ARHGAP6: variants seen among roughly 807,000 people sequenced by gnomAD.
ARHGAP6 encodes Rho GTPase activating protein 6, also known as rho GTPase-activating protein 6.
In ARHGAP6, 16 loss-of-function variants were observed where a neutral mutation model predicts 55.7. The ratio of observed to expected loss-of-function variants is 0.29; its 90% CI spans 0.19 to 0.44. The LOEUF (loss-of-function observed/expected upper bound fraction) is 0.44, where lower values mean the gene tolerates loss of function less well. Among genes scored for constraint, ARHGAP6 ranks in the 20% least tolerant of loss-of-function variants. The probability of loss-of-function intolerance (pLI) is 1.00; values close to 1 mark genes in which losing one functional copy is unlikely to be tolerated. For missense variants in ARHGAP6, 698 were observed against 808.9 expected (o/e 0.86, Z 1.66); for synonymous variants, 382 against 360.9 (o/e 1.06, Z -0.66).
chrX:11,654,338 A>C (rs1401920191), intron 1 of ARHGAP6, among the ~76,000 whole-genome samples: 3 of 111,747 alleles, frequency 2.7e-5, no homozygotes, highest in Non-Finnish European at 3.8e-5. Context: ...ACCTATTTCC[A>C]TGAGCTGTCC....
chrX:11,332,194 C>T (rs1856453421), intron 1 of ARHGAP6, among the ~76,000 whole-genome samples: 1 of 111,924 alleles, frequency 8.9e-6, no homozygotes, highest in South Asian at 3.7e-4. Context: ...TCAAGCTACT[C>T]TTAGATCCAT....
At chrX:11,368,998 G>A (rs1253957744) in intron 1 of ARHGAP6, among the ~76,000 whole-genome samples, 2 of 111,455 alleles carry the variant, frequency 1.8e-5, no homozygotes, top group African/African-American at 6.5e-5. Flanking sequence ...CATGCCTAAT[G>A]TGCCAGGGTA....
intron 8 of ARHGAP6, among the ~76,000 whole-genome samples, chrX:11,176,932 G>A (rs745901808): frequency 8.9e-6 from 1 of 112,175 alleles, no homozygotes; most frequent in Non-Finnish European, 1.9e-5. Flanking sequence ...GAGAAGAAAT[G>A]CAGAATTGCC....
intron 1 of ARHGAP6, among the ~76,000 whole-genome samples, chrX:11,525,752 T>C (rs2050982886): frequency 8.9e-6 from 1 of 111,963 alleles, no homozygotes; most frequent in Non-Finnish European, 1.9e-5. Flanking sequence ...ATGTACTGTG[T>C]ACAAAAACCT....
intron 1 of ARHGAP6, among the ~76,000 whole-genome samples, chrX:11,643,152 G>C (rs1293314297): frequency 9.0e-6 from 1 of 111,623 alleles, no homozygotes; most frequent in Non-Finnish European, 1.9e-5. Context: ...CATGATTCCA[G>C]TCTTCCAAAT....
intron 1 of ARHGAP6, among the ~76,000 whole-genome samples, chrX:11,527,770 A>G (rs1467802078): frequency 8.9e-6 from 1 of 112,383 alleles, no homozygotes; most frequent in Non-Finnish European, 1.9e-5. Flanking sequence ...ATAAATGAAT[A>G]TTTTTAGCAT....
At chrX:11,226,426 C>T (rs951530437) in intron 2 of ARHGAP6, among the ~76,000 whole-genome samples, 2 of 110,775 alleles carry the variant, frequency 1.8e-5, no homozygotes, top group African/African-American at 6.6e-5. Flanking sequence ...AGTGGACAGA[C>T]CTTTTGGTTA....
In ARHGAP6 at chrX:11,329,588, AATG is replaced by A. The variant is rs751868007; in HGVS notation, c.589-74884_589-74882del. ...CTCTGTTAAAGTACAATCACGTGTC[AATG>A]ATGAGGATATATCCTGAGAAAACTG... On this transcript the variant is annotated intron_variant, in intron 1 of 12. Coordinates refer to ENST00000337414, the MANE Select transcript of ARHGAP6 (RefSeq NM_013427.3). 5.2e-3 allele frequency among the ~76,000 whole-genome samples: 587 copies of A among 112,573 alleles called. 2 individuals carry two copies. The highest frequency in any genetic ancestry group is 7.9e-3 in the Non-Finnish European group (420 of 53,268).
intron 1 of ARHGAP6, among the ~76,000 whole-genome samples, chrX:11,648,981 A>G (rs1483698441): frequency 8.9e-6 from 1 of 112,354 alleles, no homozygotes; most frequent in Non-Finnish European, 1.9e-5. Flanking sequence ...GCAATCTTAA[A>G]AAATGGAAGA....
chrX:11,145,003 C>A (rs1047828195), intron 10 of ARHGAP6: 2 of 112,226 alleles, frequency 1.8e-5, no homozygotes, highest in Non-Finnish European at 3.8e-5. Flanking sequence ...ACAGAAATAA[C>A]AGTGAAAATG....
At chrX:11,493,429 G>A (rs1051937201) in intron 1 of ARHGAP6, among the ~76,000 whole-genome samples, 6 of 112,018 alleles carry the variant, frequency 5.4e-5, no homozygotes, top group South Asian at 3.7e-4. Context: ...CTTTAAATGC[G>A]TGGAGAGTGA....
intron 1 of ARHGAP6, among the ~76,000 whole-genome samples, chrX:11,615,735 A>T (rs1166852571): frequency 8.9e-6 from 1 of 112,582 alleles, no homozygotes; most frequent in Non-Finnish European, 1.9e-5. Flanking sequence ...CAAGTGCTGA[A>T]CATAAACAAA....
rs540834197 is a variant in ARHGAP6 at position 11,614,816 on chromosome X, T to A, written c.588+49425A>T. Among the ~76,000 whole-genome samples the A allele has an allele frequency of 1.4e-4, 16 of 111,758 alleles. No individual in the cohort carries two copies. The East Asian group carries it at 4.2e-3, about 29-fold the overall frequency. ...GAAGAAAACGTATTATTTTTATGTA[T>A]AAAGCACAGAAATACACAACACAAA... On this transcript the variant is annotated intron_variant, in intron 1 of 12. Coordinates refer to ENST00000337414, the MANE Select transcript of ARHGAP6 (RefSeq NM_013427.3).
chrX:11,361,543 TA>T (rs2049011233), intron 1 of ARHGAP6, among the ~76,000 whole-genome samples: 1 of 110,093 alleles, frequency 9.1e-6, no homozygotes, highest in African/African-American at 3.3e-5. Flanking sequence ...CCTAAAACCA[TA>T]AAAACCCTAG....
At chrX:11,591,190 CA>C (rs1051027805) in intron 1 of ARHGAP6, among the ~76,000 whole-genome samples, 3 of 103,220 alleles carry the variant, frequency 2.9e-5, no homozygotes, top group Non-Finnish European at 4.0e-5. Context: ...AGACTCGTCT[CA>C]AAAAAAAATA....
At chrX:11,511,818 G>A (rs1337725304) in intron 1 of ARHGAP6, among the ~76,000 whole-genome samples, 2 of 110,560 alleles carry the variant, frequency 1.8e-5, no homozygotes, top group African/African-American at 6.6e-5. Flanking sequence ...TTACTCTAGC[G>A]TGCCACAAAA....
chrX:11,615,794 CT>C (rs1027233453), intron 1 of ARHGAP6, among the ~76,000 whole-genome samples: 2 of 112,135 alleles, frequency 1.8e-5, no homozygotes, highest in Non-Finnish European at 1.9e-5. Context: ...GTTTACAGAG[CT>C]GTTTTATCTA....
chrX:11,311,065 A>G (rs1227255194), intron 1 of ARHGAP6, among the ~76,000 whole-genome samples: 1 of 111,626 alleles, frequency 9.0e-6, no homozygotes, highest in Non-Finnish European at 1.9e-5. Context: ...TTTCGCAGGG[A>G]AAGGATATAC....
chrX:11,138,848 C>A lies in ARHGAP6; in HGVS notation c.*15G>T. On this transcript the variant is annotated 3_prime_UTR_variant, in exon 13 of 13. Coordinates refer to ENST00000337414, the MANE Select transcript of ARHGAP6 (RefSeq NM_013427.3). ...CGGGGGGCTCGGGGCAGGGGGGGCT[C>A]GGCTGGGTGCGGGCTCAGACCAGCG... The A allele has an allele frequency of 8.6e-7, 1 of 1,168,698 alleles. No homozygotes were observed. Among genetic ancestry groups the A allele is most frequent in the Admixed American group, 2.4e-5 (1 of 41,605 alleles).
Sources: allele counts gnomAD v4.1 joint callset (sites outside exome capture counted in the v4.1 genomes callset), GRCh38; gene constraint gnomAD v4.1.1; transcripts MANE v1.5; gene names NCBI Gene and HGNC (gene_info 2026-07-23, HGNC 2026-07-21).